Variants in PDE11A observed in about 807,000 individuals in gnomAD.
The protein encoded by PDE11A is phosphodiesterase 11A.
In PDE11A, 100 loss-of-function variants were observed where a neutral mutation model predicts 100.5. The observed-to-expected ratio is 1.00, with a 90% CI of 0.85 to 1.18. The LOEUF is 1.18. Ranked by LOEUF, PDE11A falls within the 50% of genes most tolerant of loss-of-function variation. The pLI, the probability that PDE11A is intolerant of heterozygous loss-of-function variation, is 0.00. For missense variants in PDE11A, 1,141 were observed against 1,152.6 expected, an observed-to-expected ratio of 0.99 and a Z score of 0.15; for synonymous variants, 381 against 420.8, an observed-to-expected ratio of 0.91 and a Z score of 1.16.
rs768524227 is a variant in PDE11A, at chr2:177,627,017, C to CTT, written c.*2388_*2389dup. The CTT allele has an allele frequency of 4.9e-5, 2 of 40,954 alleles. 1 individual carries two copies. The highest frequency in any genetic ancestry group is 2.8e-4 in the African/African-American group (2 of 7,036). 2.5% of individuals were successfully genotyped at this position (40,954 alleles called of 1,614,324 possible). ...TATTCCCCTCTTAGTCTGGTTTATA[C>CTT]TTTTTTTTTTTTTTTTTTTTTTTTT... is the stretch of plus-strand genomic sequence containing the variant. On this transcript the variant is annotated 3_prime_UTR_variant, in exon 20 of 20. Transcript: ENST00000286063.
intron 2 of PDE11A, among the ~76,000 whole-genome samples, chr2:178,086,109 C>CA (rs986107253): frequency 1.3e-5 from 2 of 152,200 alleles, no homozygotes; most frequent in African/African-American, 4.8e-5. Context: ...CTGGCTGAAT[C>CA]AATCTTTCCC....
At chr2:177,930,267 T>G (rs1170093226) in intron 2 of PDE11A, among the ~76,000 whole-genome samples, 1 of 152,200 alleles carries the variant, frequency 6.6e-6, no homozygotes, top group African/African-American at 2.4e-5. Context: ...CTTCAGTGCA[T>G]GTAGGAGACA....
intron 9 of PDE11A, among the ~76,000 whole-genome samples, chr2:177,777,561 C>T (rs139847975): frequency 6.6e-6 from 1 of 152,192 alleles, no homozygotes; most frequent in African/African-American, 2.4e-5. Flanking sequence ...TAGTTTCCTC[C>T]ACAATTCCAA....
At chr2:177,895,979 A>G (rs2084606037) in intron 4 of PDE11A, among the ~76,000 whole-genome samples, 1 of 152,208 alleles carries the variant, frequency 6.6e-6, no homozygotes, top group Admixed American at 6.5e-5. Context: ...AAAACAAAAC[A>G]AAAATAAAAT....
At chr2:178,107,340 T>A in intron 1 of PDE11A, among the ~76,000 whole-genome samples, 1 of 151,268 alleles carries the variant, frequency 6.6e-6, no homozygotes, top group South Asian at 2.1e-4. Context: ...TTTTGTCCTA[T>A]AATCATTTGG....
At chr2:178,046,202 AT>A (rs748612998) in intron 1 of PDE11A, among the ~76,000 whole-genome samples, 2 of 152,076 alleles carry the variant, frequency 1.3e-5, no homozygotes, top group Non-Finnish European at 2.9e-5. Flanking sequence ...ATTACTATTA[AT>A]TTTTTTGGGG....
At chr2:178,050,670 A>C (rs1375947358) in intron 1 of PDE11A, among the ~76,000 whole-genome samples, 1 of 152,214 alleles carries the variant, frequency 6.6e-6, no homozygotes, top group African/African-American at 2.4e-5. Flanking sequence ...AAATGACCTG[A>C]TGGAGCTGAA....
At chr2:178,035,004 G>C (rs1029073120) in intron 1 of PDE11A, among the ~76,000 whole-genome samples, 2 of 151,538 alleles carry the variant, frequency 1.3e-5, no homozygotes, top group African/African-American at 4.8e-5. Context: ...AGCTAGCAGA[G>C]GACAAGAAAT....
upstream of PDE11A, among the ~76,000 whole-genome samples, chr2:178,076,559 G>A (rs2087210131): frequency 6.6e-6 from 1 of 152,142 alleles, no homozygotes; most frequent in Non-Finnish European, 1.5e-5. Flanking sequence ...CCCACCCTTA[G>A]CAACATCTCA....
Position 177,698,799 on chromosome 2 carries a change from C to T in PDE11A, c.2245-1367G>A, listed in dbSNP as rs111707751. ...CAGCTGTTAAGAAGAAGACAAATAA[C>T]GAAAGGAATGCTGCACCATAATTCT... is the stretch of plus-strand genomic sequence containing the variant. On this transcript the variant is annotated intron_variant, in intron 14 of 19. Transcript: ENST00000286063. Among the ~76,000 whole-genome samples the T allele has an allele frequency of 8.8e-3, 1,340 of 152,218 alleles. 13 individuals are homozygous for T. The highest frequency in any genetic ancestry group is 0.026 in the African/African-American group (1,089 of 41,532).
intron 10 of PDE11A, among the ~76,000 whole-genome samples, chr2:177,746,035 G>A (rs1315278339): frequency 6.6e-6 from 1 of 152,296 alleles, no homozygotes; most frequent in South Asian, 2.1e-4. Context: ...AGTCAGACCT[G>A]AGCCTCAATG....
At chr2:177,901,758 GA>G (rs1441191677) in intron 3 of PDE11A, among the ~76,000 whole-genome samples, 1 of 152,116 alleles carries the variant, frequency 6.6e-6, no homozygotes, top group East Asian at 1.9e-4. Context: ...TATTAATGGG[GA>G]AAACATTATT....
intron 2 of PDE11A, among the ~76,000 whole-genome samples, chr2:178,095,678 C>T (rs1442632919): frequency 1.1e-4 from 16 of 152,240 alleles, no homozygotes; most frequent in Non-Finnish European, 1.0e-4. Context: ...AGAGGTTCTC[C>T]ATGAAGACTC....
chr2:177,849,424 T>C (rs1449398542), intron 5 of PDE11A, among the ~76,000 whole-genome samples: 1 of 152,006 alleles, frequency 6.6e-6, no homozygotes, highest in Non-Finnish European at 1.5e-5. Context: ...CTTTAAAAAG[T>C]GTGGGGTTTT....
chr2:177,831,229 C>T (rs528956218), intron 6 of PDE11A, among the ~76,000 whole-genome samples: 1 of 152,354 alleles, frequency 6.6e-6, no homozygotes, highest in Non-Finnish European at 1.5e-5. Context: ...CCCCATAGCC[C>T]TCTCAGCAGG....
chr2:177,697,525 T>C, intron 14 of PDE11A, 93 bp from the exon 15 acceptor site: 1 of 719,544 alleles, frequency 1.4e-6, no homozygotes, highest in Non-Finnish European at 2.5e-6. Context: ...TCTGGGAACA[T>C]TAAAAAAATC....
At chr2:177,734,612 G>T (rs894576491) in intron 10 of PDE11A, among the ~76,000 whole-genome samples, 2 of 152,106 alleles carry the variant, frequency 1.3e-5, no homozygotes, top group Non-Finnish European at 2.9e-5. Context: ...ACAGATATGG[G>T]CTCTCATCCT....
chr2:178,074,441 G>A (rs1036324365), upstream of PDE11A, among the ~76,000 whole-genome samples: 3 of 152,134 alleles, frequency 2.0e-5, no homozygotes, highest in African/African-American at 7.2e-5. Flanking sequence ...TGATAATACA[G>A]CAGCAGTGTT....
chr2:177,628,253 A>G lies in PDE11A; in HGVS notation c.*1154T>C, dbSNP rs1411574153. On this transcript the variant is annotated 3_prime_UTR_variant, in exon 20 of 20. Coordinates refer to ENST00000286063, the MANE Select transcript of PDE11A (RefSeq NM_016953.4). The stretch of plus-strand genomic sequence containing the variant: ...TCAATAATGCCAAAGCTAAGGATAG[A>G]AATCTATCTTCTAGCCCAATGTTCT... The G allele has an allele frequency of 6.6e-6, 1 of 152,670 alleles. No homozygotes were observed. Among genetic ancestry groups the G allele is most frequent in the African/African-American group, 2.4e-5 (1 of 41,470 alleles). The allele number at this position is 152,670 out of a possible 1,614,324, so 9.5% of individuals were successfully genotyped here. A position where few individuals can be genotyped will look rare whatever the true frequency, so the allele number is the denominator to read the frequency against.
Sources: gnomAD v4.1 joint callset for allele counts (sites outside exome capture counted in the v4.1 genomes callset) on GRCh38, gnomAD v4.1.1 for gene constraint, MANE v1.5 for transcripts, NCBI Gene and HGNC (gene_info 2026-07-23, HGNC 2026-07-21) for gene names.